The following CLIC5 variants were observed in gnomAD, a reference collection of about 807,000 sequenced individuals.
CLIC5 encodes chloride intracellular channel protein 5.
CLIC5 carries 20 observed loss-of-function variants against 24.7 expected under a neutral mutation model. The observed-to-expected ratio is 0.81, with a 90% CI of 0.57 to 1.18. The LOEUF (loss-of-function observed/expected upper bound fraction) is 1.18. CLIC5 is among the 50% of genes most tolerant of loss of function. The probability of loss-of-function intolerance (pLI) is 0.00; values close to 1 mark genes in which losing one functional copy is unlikely to be tolerated. For synonymous variants in CLIC5, 159 were observed against 135.6 expected (o/e 1.17, Z -1.20); for missense variants, 341 against 326.1 (o/e 1.05, Z -0.35).
At chr6:46,109,309 G>A in the CLIC5 span, among the ~76,000 whole-genome samples, 5 of 151,904 alleles carry the variant, frequency 3.3e-5, no homozygotes, top group African/African-American at 9.7e-5. Flanking sequence ...CAGGTTTCTG[G>A]TAACTTTGGA....
chr6:45,953,237 A>AT lies in CLIC5; in HGVS notation c.173+1897dup, dbSNP rs936932017. 4.0e-4 allele frequency among the ~76,000 whole-genome samples: 60 copies of AT among 151,368 alleles called. 1 individual carries two copies. Among genetic ancestry groups the AT allele is most frequent in the Middle Eastern group, 3.5e-3 (1 of 288 alleles). ...CCTTCACAGGATTATACATTATGTGATTTTTTTTTAATGAGAAAGCATTTA... is the reference window on the plus strand; with the variant it reads ...CCTTCACAGGATTATACATTATGTGATTTTTTTTTTAATGAGAAAGCATTTA... On this transcript the variant is annotated intron_variant, in intron 2 of 5. Coordinates refer to ENST00000339561, the MANE Select transcript of CLIC5 (RefSeq NM_016929.5).
chr6:46,028,586 T>C (rs9472669), intron 1 of CLIC5, among the ~76,000 whole-genome samples: 12,212 of 152,308 alleles, frequency 0.08, 585 homozygotes, highest in Middle Eastern at 0.12. Flanking sequence ...CAGTAAGTTA[T>C]AGGTTATAGG....
chr6:46,031,714 A>G (rs1392977729), intron 1 of CLIC5, among the ~76,000 whole-genome samples: 1 of 151,976 alleles, frequency 6.6e-6, no homozygotes, highest in African/African-American at 2.4e-5. Context: ...TCAATGGGGT[A>G]CATTTTGGTG....
At chr6:45,889,871 G>T (rs570863521) in intron 6 of CLIC5, among the ~76,000 whole-genome samples, 1 of 152,278 alleles carries the variant, frequency 6.6e-6, no homozygotes, top group South Asian at 2.1e-4. Flanking sequence ...AACAGCAAAA[G>T]ACTAGAAATG....
At chr6:45,897,075 G>T (rs1033176762), downstream of CLIC5, among the ~76,000 whole-genome samples, 5 of 152,108 alleles carry the variant, frequency 3.3e-5, no homozygotes, top group African/African-American at 1.2e-4. Flanking sequence ...CAACTCTGTG[G>T]TCACATCAAG....
At chr6:46,043,534 C>A (rs1264834319) in intron 1 of CLIC5, among the ~76,000 whole-genome samples, 1 of 152,180 alleles carries the variant, frequency 6.6e-6, no homozygotes, top group Non-Finnish European at 1.5e-5. Flanking sequence ...GCTGCCAAAT[C>A]ACATAAGGCA....
At chr6:45,990,959 C>T (rs886318834) in intron 1 of CLIC5, among the ~76,000 whole-genome samples, 2 of 152,178 alleles carry the variant, frequency 1.3e-5, no homozygotes, top group African/African-American at 4.8e-5. Context: ...TCAAGTCTCT[C>T]CTCAAGCTGT....
chr6:45,907,091 G>T (rs1237237088), intron 5 of CLIC5, among the ~76,000 whole-genome samples: 2 of 152,152 alleles, frequency 1.3e-5, no homozygotes, highest in Non-Finnish European at 2.9e-5. Flanking sequence ...GGGCATCCTT[G>T]TCTTGTTGCA....
chr6:45,947,011 GC>G (rs1198624461), intron 3 of CLIC5, among the ~76,000 whole-genome samples: 1 of 152,362 alleles, frequency 6.6e-6, no homozygotes, highest in Non-Finnish European at 1.5e-5. Flanking sequence ...CGGGAGCAGA[GC>G]TCAGGACAGG....
intron 1 of CLIC5, among the ~76,000 whole-genome samples, chr6:45,961,607 TTTAA>T (rs1764843767): frequency 6.6e-6 from 1 of 152,240 alleles, no homozygotes; most frequent in Non-Finnish European, 1.5e-5. Flanking sequence ...CTGCCCATTT[TTTAA>T]TTAGTTAGTG....
rs994000214 is a variant in CLIC5, at chr6:45,914,505, T to C, written c.407-96A>G. ...GTGGAGTAGCTCATCTAGAATCCTGTCCCCTTCATCACACTGCCAGCTCCC... is the reference window on the plus strand; with the variant it reads ...GTGGAGTAGCTCATCTAGAATCCTGCCCCCTTCATCACACTGCCAGCTCCC... On this transcript the variant is annotated intron_variant, in intron 4 of 5. Coordinates refer to ENST00000339561, the MANE Select transcript of CLIC5 (RefSeq NM_016929.5). 4 of 1,340,560 alleles carry C rather than the reference T, an allele frequency of 3.0e-6. No individual in the cohort carries two copies. The African/African-American group carries it at 4.4e-5, about 15-fold the overall frequency. The allele number at this position is 1,340,560 out of a possible 1,614,324, so 83.0% of individuals were successfully genotyped here. A position where few individuals can be genotyped will look rare whatever the true frequency, so the allele number is the denominator to read the frequency against.
chr6:46,018,052 G>T (rs1015153649), upstream of CLIC5, among the ~76,000 whole-genome samples: 1 of 152,116 alleles, frequency 6.6e-6, no homozygotes, highest in Non-Finnish European at 1.5e-5. Flanking sequence ...TGTACATTCT[G>T]CACCAATGAC....
Position 46,064,360 on chromosome 6 carries a change from G to A in CLIC5, c.540+15343C>T, listed in dbSNP as rs1158260923. Among the ~76,000 whole-genome samples, 4 of 151,136 alleles carry A rather than the reference G, an allele frequency of 2.6e-5. No individual in the cohort carries two copies. In the South Asian group the frequency reaches 6.3e-4, roughly 24 times the overall value. On this transcript the variant is annotated intron_variant, in intron 1 of 5. Coordinates refer to the CLIC5 transcript ENST00000185206. ...ACTAGTGAATTCTACCAAACTATTA[G>A]GGAAGAAATAGTATCACTTCCACAA... is the stretch of plus-strand genomic sequence containing the variant.
At chr6:46,088,154 T>C in the CLIC5 span, among the ~76,000 whole-genome samples, 1 of 136,948 alleles carries the variant, frequency 7.3e-6, no homozygotes, top group South Asian at 2.7e-4. Flanking sequence ...ACTCTCTCGC[T>C]CTCTTTCTGT....
chr6:46,023,227 A>T (rs987032059), intron 1 of CLIC5, among the ~76,000 whole-genome samples: 1 of 152,200 alleles, frequency 6.6e-6, no homozygotes, highest in African/African-American at 2.4e-5. Flanking sequence ...CATAATAATA[A>T]TAGTTAACAT....
the CLIC5 span, among the ~76,000 whole-genome samples, chr6:46,126,349 T>C: frequency 6.6e-6 from 1 of 152,194 alleles, no homozygotes; most frequent in Non-Finnish European, 1.5e-5. Context: ...TTTGTATCTT[T>C]TGAAAAATTG....
chr6:45,939,040 A>T (rs1489769961), intron 4 of CLIC5, among the ~76,000 whole-genome samples: 1 of 152,084 alleles, frequency 6.6e-6, no homozygotes, highest in South Asian at 2.1e-4. Flanking sequence ...GTGGCTTAAC[A>T]CAACAGAGAC....
chr6:46,003,903 G>C (rs532110434), intron 1 of CLIC5, among the ~76,000 whole-genome samples: 3 of 152,298 alleles, frequency 2.0e-5, no homozygotes, highest in African/African-American at 7.2e-5. Flanking sequence ...AGGTTTCTAA[G>C]TTTGTATAGA....
chr6:46,007,836 C>T (rs1282677886), intron 1 of CLIC5, among the ~76,000 whole-genome samples: 1 of 151,276 alleles, frequency 6.6e-6, no homozygotes, highest in African/African-American at 2.4e-5. Flanking sequence ...AAGCAAGTCA[C>T]GCAACCAGTG....
Sources: gnomAD v4.1 joint callset for allele counts (sites outside exome capture counted in the v4.1 genomes callset) on GRCh38, gnomAD v4.1.1 for gene constraint, MANE v1.5 for transcripts, NCBI Gene and HGNC (gene_info 2026-07-23, HGNC 2026-07-21) for gene names.